Variants in AP3B1 observed in about 807,000 individuals in gnomAD.
AP3B1 encodes the protein AP-3 complex subunit beta-1.
AP3B1 carries 61 observed loss-of-function variants against 132.5 expected under a neutral mutation model. The observed-to-expected ratio is 0.46, with a 90% CI of 0.37 to 0.57. The LOEUF (loss-of-function observed/expected upper bound fraction) is 0.57, where lower values mean the gene tolerates loss of function less well. Among genes scored for constraint, AP3B1 ranks in the 20% least tolerant of loss-of-function variants. The pLI is 0.00. For synonymous variants in AP3B1, 388 were observed against 438.3 expected, an observed-to-expected ratio of 0.89 and a Z score of 1.43; for missense variants, 1,120 against 1,289.4, an observed-to-expected ratio of 0.87 and a Z score of 2.01.
At chr5:78,217,845 TCA>T (rs1301594560) in intron 6 of AP3B1, among the ~76,000 whole-genome samples, 1 of 152,198 alleles carries the variant, frequency 6.6e-6, no homozygotes, top group African/African-American at 2.4e-5. Context: ...AACAGGTAAT[TCA>T]CAGTTTCAAT....
intron 15 of AP3B1, among the ~76,000 whole-genome samples, chr5:78,138,347 T>A (rs1438018645): frequency 1.3e-5 from 2 of 152,058 alleles, no homozygotes; most frequent in East Asian, 3.9e-4. Context: ...CAGACACCCA[T>A]AATAAGCTAC....
At chr5:78,067,000 G>T (rs956093783) in intron 22 of AP3B1, among the ~76,000 whole-genome samples, 1 of 152,122 alleles carries the variant, frequency 6.6e-6, no homozygotes, top group Non-Finnish European at 1.5e-5. Flanking sequence ...AGAGAATGGA[G>T]GCCAATATTC....
In AP3B1 at chr5:78,183,847, A is replaced by T. The variant is rs146269571; in HGVS notation, c.787-2185T>A. Among the ~76,000 whole-genome samples, 691 of 149,698 alleles carry T rather than the reference A, an allele frequency of 4.6e-3. 4 individuals carry two copies. Among genetic ancestry groups the T allele is most frequent in the African/African-American group, 0.016 (658 of 40,356 alleles). On this transcript the variant is annotated intron_variant, in intron 7 of 26. Transcript: ENST00000255194. ...GCGCCATTGCCCTCCAGCCTGGGCAACAAGAGCAAAATTCCATCTTAAAAA... is the reference window on the plus strand; with the variant it reads ...GCGCCATTGCCCTCCAGCCTGGGCATCAAGAGCAAAATTCCATCTTAAAAA...
At chr5:78,229,570 T>TAAAAAAAA (rs747124764) in intron 3 of AP3B1, among the ~76,000 whole-genome samples, 100 of 92,692 alleles carry the variant, frequency 1.1e-3, no homozygotes, top group Middle Eastern at 7.1e-3. Context: ...CCATTTCTAG[T>TAAAAAAAA]AAAACAAAAA....
chr5:78,175,396 T>A (rs578162512), intron 11 of AP3B1, among the ~76,000 whole-genome samples: 1 of 152,238 alleles, frequency 6.6e-6, no homozygotes, highest in Non-Finnish European at 1.5e-5. Flanking sequence ...TCTCCTTCAG[T>A]AATCTGTGAG....
rs138861243 is a variant in AP3B1 at position 78,046,690 on chromosome 5, T to C, written c.2578-7416A>G. Among the ~76,000 whole-genome samples, 325 of 149,498 alleles carry C rather than the reference T, an allele frequency of 2.2e-3. 1 individual carries two copies. The highest frequency in any genetic ancestry group is 7.8e-3 in the African/African-American group (315 of 40,256). On this transcript the variant is annotated intron_variant, in intron 22 of 26. Coordinates refer to ENST00000255194, the MANE Select transcript of AP3B1 (RefSeq NM_003664.5). ...AATAGATTTGCTAACAGTCCCCTTA[T>C]AAAAGCCTAGAATCTTTTTTTTTTT...
chr5:78,168,021 A>AAC (rs1554072362), intron 11 of AP3B1, among the ~76,000 whole-genome samples: 28 of 151,456 alleles, frequency 1.8e-4, no homozygotes, highest in African/African-American at 6.8e-4. Flanking sequence ...CTGAAAAAAA[A>AAC]AAAAAAACAA....
intron 18 of AP3B1, 74 bp downstream of exon 18, chr5:78,116,052 T>C: frequency 9.3e-7 from 1 of 1,075,452 alleles, no homozygotes; most frequent in East Asian, 2.4e-5. Context: ...ATATTATGGA[T>C]TAGGCCTTGT....
At chr5:78,214,561 G>A (rs1472352915) in intron 7 of AP3B1, among the ~76,000 whole-genome samples, 1 of 152,046 alleles carries the variant, frequency 6.6e-6, no homozygotes, top group Admixed American at 6.6e-5. Flanking sequence ...TTTAAATGGT[G>A]ACAGTGATTA....
chr5:78,044,770 G>A (rs1271506919), intron 22 of AP3B1, among the ~76,000 whole-genome samples: 2 of 152,086 alleles, frequency 1.3e-5, no homozygotes, highest in African/African-American at 4.8e-5. Context: ...AGGATGCATG[G>A]TCCAAACATT....
intron 22 of AP3B1, among the ~76,000 whole-genome samples, chr5:78,040,565 G>C (rs1366135328): frequency 6.6e-6 from 1 of 151,438 alleles, no homozygotes; most frequent in Non-Finnish European, 1.5e-5. Context: ...GAAATCATAG[G>C]CAGCATATTA....
At chr5:78,117,782 T>A (rs188897376) in intron 17 of AP3B1, among the ~76,000 whole-genome samples, 2 of 152,360 alleles carry the variant, frequency 1.3e-5, no homozygotes, top group Admixed American at 1.3e-4. Flanking sequence ...CTTTAACCAC[T>A]TTAATACAGA....
At chr5:78,204,305 T>C (rs569205093) in intron 7 of AP3B1, among the ~76,000 whole-genome samples, 1 of 152,350 alleles carries the variant, frequency 6.6e-6, no homozygotes, top group South Asian at 2.1e-4. Context: ...ACATTCTTTG[T>C]TGCATGTGGT....
At chr5:78,182,051 C>G (rs1744393813) in intron 7 of AP3B1, among the ~76,000 whole-genome samples, 1 of 151,574 alleles carries the variant, frequency 6.6e-6, no homozygotes, top group Non-Finnish European at 1.5e-5. Context: ...ATCAAAGAGT[C>G]AAAAAAAGAG....
At chr5:78,117,500 G>A (rs924298862) in intron 17 of AP3B1, among the ~76,000 whole-genome samples, 1 of 151,892 alleles carries the variant, frequency 6.6e-6, no homozygotes, top group Non-Finnish European at 1.5e-5. Context: ...AGTAGAGACA[G>A]GATTTCACTA....
At chr5:78,029,481 C>A (rs1238916556) in intron 24 of AP3B1, among the ~76,000 whole-genome samples, 1 of 151,674 alleles carries the variant, frequency 6.6e-6, no homozygotes, top group Non-Finnish European at 1.5e-5. Context: ...TCATAAATAG[C>A]ATATGTTAAA....
chr5:78,137,913 T>C (rs1006682142), intron 15 of AP3B1, among the ~76,000 whole-genome samples: 2 of 152,180 alleles, frequency 1.3e-5, no homozygotes, highest in East Asian at 1.9e-4. Flanking sequence ...ATAAAAATTA[T>C]AGAAATGCTC....
chr5:78,016,078 G>A (rs759997896), intron 25 of AP3B1, among the ~76,000 whole-genome samples: 11 of 152,048 alleles, frequency 7.2e-5, no homozygotes, highest in Non-Finnish European at 1.3e-4. Flanking sequence ...GGAAGTCACT[G>A]AAAATGCACA....
chr5:78,008,332 A>G (rs1193831812), intron 26 of AP3B1, among the ~76,000 whole-genome samples: 1 of 152,210 alleles, frequency 6.6e-6, no homozygotes, highest in Non-Finnish European at 1.5e-5. Flanking sequence ...ACAGATTCCC[A>G]TTAGTAAAAT....
Sources: allele counts gnomAD v4.1 joint callset (sites outside exome capture counted in the v4.1 genomes callset), GRCh38; gene constraint gnomAD v4.1.1; transcripts MANE v1.5; gene names NCBI Gene and HGNC (gene_info 2026-07-23, HGNC 2026-07-21).